EXD3: variants seen among roughly 807,000 people sequenced by gnomAD.
EXD3 encodes exonuclease mut-7 homolog.
In EXD3, 92 loss-of-function variants were observed where a neutral mutation model predicts 98.0. The observed-to-expected ratio is 0.94, with a 90% CI of 0.79 to 1.12. The LOEUF (loss-of-function observed/expected upper bound fraction) is 1.12, where lower values mean the gene tolerates loss of function less well. Ranked by LOEUF, EXD3 falls within the 50% of genes most tolerant of loss-of-function variation. The pLI, the probability that EXD3 is intolerant of heterozygous loss-of-function variation, is 0.00. For synonymous variants in EXD3, 569 were observed against 526.0 expected (o/e 1.08, Z -1.12); for missense variants, 1,222 against 1,191.6 (o/e 1.03, Z -0.38).
chr9:137,338,696 C>CT (rs1232713607), intron 17 of EXD3, among the ~76,000 whole-genome samples: 1 of 147,840 alleles, frequency 6.8e-6, no homozygotes, highest in African/African-American at 2.5e-5. Context: ...ACCATCCTGG[C>CT]TAACATGGTG....
At chr9:137,316,056 C>G (rs1381040134) in intron 19 of EXD3, among the ~76,000 whole-genome samples, 1 of 144,552 alleles carries the variant, frequency 6.9e-6, no homozygotes, top group Non-Finnish European at 1.5e-5. Flanking sequence ...TCCCCTCCCC[C>G]CTCGCCCCCC....
chr9:137,373,083 A>G lies in EXD3; in HGVS notation c.295-11T>C. 6.4e-7 allele frequency: 1 copy of G among 1,556,114 alleles called. No homozygotes were observed. The highest frequency in any genetic ancestry group is 8.7e-7 in the Non-Finnish European group (1 of 1,155,266). ...CAGCCTCAGGCTGTGCTGGAAGAGC[A>G]GGGACCCAGACTTACTGGACGCAGC... On this transcript the variant is annotated splice_polypyrimidine_tract_variant and intron_variant, in intron 4 of 21. Transcript: ENST00000340951.
At chr9:137,391,372 A>G (rs952999082) in intron 2 of EXD3, among the ~76,000 whole-genome samples, 3 of 152,174 alleles carry the variant, frequency 2.0e-5, no homozygotes, top group Non-Finnish European at 4.4e-5. Context: ...CCACGTCCCC[A>G]GCCCCAGGCA....
At chr9:137,323,694 C>A (rs779261692) in intron 19 of EXD3, 31 bp downstream of exon 19, 1 of 1,606,130 alleles carries the variant, frequency 6.2e-7, no homozygotes, top group Non-Finnish European at 8.5e-7. Flanking sequence ...CTTGTGCCAG[C>A]CCCAGGTAGG....
At chr9:137,389,960 A>G (rs1324723065) in intron 2 of EXD3, among the ~76,000 whole-genome samples, 1 of 151,358 alleles carries the variant, frequency 6.6e-6, no homozygotes, top group Non-Finnish European at 1.5e-5. Flanking sequence ...CGTCTCTACT[A>G]AAAATACAAA....
At chr9:137,330,619 C>T (rs375954244) in intron 17 of EXD3, among the ~76,000 whole-genome samples, 2 of 131,836 alleles carry the variant, frequency 1.5e-5, no homozygotes, top group Admixed American at 7.2e-5. Flanking sequence ...CAGGACTACA[C>T]AGGAACTACA....
chr9:137,402,564 C>T (rs975046200), intron 1 of EXD3, among the ~76,000 whole-genome samples: 2 of 152,186 alleles, frequency 1.3e-5, no homozygotes, highest in African/African-American at 4.8e-5. Flanking sequence ...ACACTATCAG[C>T]ATTTTTGTCA....
At position 137,395,526 on chromosome 9, in the gene EXD3, C is replaced by G; in HGVS notation, c.-47-122G>C. On this transcript the variant is annotated intron_variant, in intron 1 of 21. Coordinates refer to ENST00000340951, the MANE Select transcript of EXD3 (RefSeq NM_017820.5). This position sits in a 1 kb window ranked among gnomAD's most constrained non-coding sequence, Gnocchi z 6.5. ...GGTGCCTGGGGGGGCCCAAGTGGGA[C>G]CCCCAGTCGCTGAGCATAGCGGGCA... is the stretch of plus-strand genomic sequence containing the variant. 1.2e-6 allele frequency: 1 copy of G among 865,434 alleles called. No individual in the cohort carries two copies. The highest frequency in any genetic ancestry group is 1.8e-6 in the Non-Finnish European group (1 of 563,264). 53.6% of individuals were successfully genotyped at this position (865,434 alleles called of 1,614,324 possible). A position where few individuals can be genotyped will look rare whatever the true frequency, so the allele number is the denominator to read the frequency against.
In EXD3 at chr9:137,359,350, C is replaced by A. The variant is rs150648258; in HGVS notation, c.657-2982G>T. Reference sequence around the variant, plus strand: ...TATGCCAATCATGGGTGCAAATGCACCGGTAAACCCACTGCCCAAATCTCA... The same window carrying A: ...TATGCCAATCATGGGTGCAAATGCAACGGTAAACCCACTGCCCAAATCTCA... On this transcript the variant is annotated intron_variant, in intron 7 of 21. Coordinates refer to ENST00000340951, the MANE Select transcript of EXD3 (RefSeq NM_017820.5). Among the ~76,000 whole-genome samples the A allele has an allele frequency of 3.6e-5, 3 of 83,772 alleles. 1 individual carries two copies. The highest frequency in any genetic ancestry group is 9.9e-5 in the African/African-American group (3 of 30,226). 55.0% of individuals were successfully genotyped at this position (83,772 alleles called of 152,430 possible). A position where few individuals can be genotyped will look rare whatever the true frequency, so the allele number is the denominator to read the frequency against.
At chr9:137,417,845 C>A (rs921413796) in intron 1 of EXD3, among the ~76,000 whole-genome samples, 1 of 152,044 alleles carries the variant, frequency 6.6e-6, no homozygotes, top group Non-Finnish European at 1.5e-5. Flanking sequence ...GAGGCCGGGC[C>A]GTCAGGCGGG....
chr9:137,353,655 ACCCT>A lies in EXD3; in HGVS notation c.870+680_870+683del, dbSNP rs1398939848. 6.1e-6 allele frequency: 6 copies of A among 985,484 alleles called. No individual in the cohort carries two copies. The African/African-American group carries it at 1.0e-4, about 17-fold the overall frequency. The allele number at this position is 985,484 out of a possible 1,614,324, so 61.0% of individuals were successfully genotyped here. The stretch of plus-strand genomic sequence containing the variant: ...GCAGAGGCACCTACAGGCCTGCGGG[ACCCT>A]CAGCCCCCGCTGGGAAATGCAGGGC... On this transcript the variant is annotated intron_variant, in intron 10 of 21. Transcript: ENST00000340951.
At chr9:137,352,509 A>G in intron 11 of EXD3, 111 bp downstream of exon 11, 1 of 1,145,796 alleles carries the variant, frequency 8.7e-7, no homozygotes, top group South Asian at 1.6e-5. Flanking sequence ...TTTTGTCTTG[A>G]TTTCTAATTC....
At chr9:137,309,849 C>T (rs1831271178) in intron 19 of EXD3, 149 bp from the exon 20 acceptor site, 2 of 635,326 alleles carry the variant, frequency 3.1e-6, no homozygotes, top group South Asian at 1.9e-5. Context: ...CACGCATAGT[C>T]CTGTGGGGTT....
At chr9:137,422,128 A>AC (rs1264216835) in intron 1 of EXD3, among the ~76,000 whole-genome samples, 41 of 151,706 alleles carry the variant, frequency 2.7e-4, no homozygotes, top group African/African-American at 9.9e-4. Flanking sequence ...AAAAAAAAAA[A>AC]AAAAAACTCC....
In EXD3 at chr9:137,373,520, C is replaced by A; in HGVS notation, c.200G>T (p.Arg67Leu). ...AGLLDMLESC[R>L]GQRGEGPSLA... is the part of the protein sequence containing the mutation. The stretch of plus-strand genomic sequence containing the variant: ...GGAGGGGCCCTCTCCCCGCTGGCCC[C>A]GGCAGCTCTCCAGCATGTCCAGAAG... Residue 67 changes from arginine to leucine, a missense_variant, in exon 4 of 22, where the codon CGG becomes CTG. Coordinates refer to ENST00000340951, the MANE Select transcript of EXD3 (RefSeq NM_017820.5). 6.2e-7 allele frequency: 1 copy of A among 1,604,502 alleles called. No individual in the cohort carries two copies. The highest frequency in any genetic ancestry group is 8.5e-7 in the Non-Finnish European group (1 of 1,176,584).
intron 17 of EXD3, among the ~76,000 whole-genome samples, chr9:137,329,942 ATG>A (rs1380023211): frequency 0.013 from 33 of 2,454 alleles, no homozygotes; most frequent in African/African-American, 0.035. Context: ...ACACAGGACT[ATG>A]CAGGACCACA....
chr9:137,395,183 G>A lies in EXD3; in HGVS notation c.55+120C>T, dbSNP rs1837145454. ...GACACTGTAGAGAGGCCCGCAGCTA[G>A]GGGCCAGCAGCCTGGCCCTCGTCAC... On this transcript the variant is annotated intron_variant, in intron 2 of 21. Transcript: ENST00000340951. This position sits in a 1 kb window ranked among gnomAD's most constrained non-coding sequence, Gnocchi z 6.5. 2 of 912,116 alleles carry A rather than the reference G, an allele frequency of 2.2e-6. No homozygotes were observed. Among genetic ancestry groups the A allele is most frequent in the Non-Finnish European group, 3.6e-6 (2 of 558,508 alleles). 56.5% of individuals were successfully genotyped at this position (912,116 alleles called of 1,614,324 possible).
rs1221892183 is a variant in EXD3 at position 137,349,651 on chromosome 9, C to G, written c.1495-120G>C. The G allele has an allele frequency of 4.6e-6, 5 of 1,078,596 alleles. No homozygotes were observed. Among genetic ancestry groups the G allele is most frequent in the Non-Finnish European group, 6.3e-6 (5 of 790,442 alleles). 66.8% of individuals were successfully genotyped at this position (1,078,596 alleles called of 1,614,324 possible). ...GAGGCCCCGCCCCCTCCACCAGCGG[C>G]CCCCACAGCAGAGACGGGGAGAAGG... is the stretch of plus-strand genomic sequence containing the variant. On this transcript the variant is annotated intron_variant, in intron 14 of 21. Coordinates refer to ENST00000340951, the MANE Select transcript of EXD3 (RefSeq NM_017820.5). The surrounding 1 kb of genome is among the most constrained non-coding windows in gnomAD (Gnocchi z 7.4).
chr9:137,339,066 G>A (rs1010353249), intron 17 of EXD3, among the ~76,000 whole-genome samples: 5 of 151,940 alleles, frequency 3.3e-5, no homozygotes, highest in South Asian at 4.2e-4. Context: ...TTGAAATGTC[G>A]GATTAAATGG....
Sources: allele counts gnomAD v4.1 joint callset (sites outside exome capture counted in the v4.1 genomes callset), GRCh38; gene constraint gnomAD v4.1.1; non-coding constraint Gnocchi (gnomAD v3.1); transcripts MANE v1.5; gene names NCBI Gene and HGNC (gene_info 2026-07-23, HGNC 2026-07-21).